Variants in AP3D1 observed in about 807,000 individuals in gnomAD.
The protein encoded by AP3D1 is AP-3 complex subunit delta-1.
In AP3D1, 51 loss-of-function variants were observed where a neutral mutation model predicts 147.6. The observed-to-expected ratio is 0.35, with a 90% CI of 0.28 to 0.44. The LOEUF (loss-of-function observed/expected upper bound fraction) is 0.44. AP3D1 is among the 20% of genes least tolerant of loss of function. The pLI, the probability that AP3D1 is intolerant of heterozygous loss-of-function variation, is 1.00. For synonymous variants in AP3D1, 760 were observed against 663.0 expected (o/e 1.15, Z -2.25); for missense variants, 1,421 against 1,624.2 (o/e 0.87, Z 2.15).
intron 24 of AP3D1, 28 bp from the exon 25 acceptor site, chr19:2,111,856 T>C (rs1376149119): frequency 1.2e-6 from 2 of 1,611,960 alleles, no homozygotes; most frequent in African/African-American, 1.3e-5. Flanking sequence ...TCGGGTTCAG[T>C]GCCCAGGCTG....
intron 1 of AP3D1, among the ~76,000 whole-genome samples, chr19:2,163,684 C>T (rs1302244068): frequency 3.3e-5 from 5 of 152,052 alleles, no homozygotes; most frequent in Non-Finnish European, 7.4e-5. Flanking sequence ...GACGGGCCCG[C>T]CCACAGGGTC....
At chr19:2,144,196 A>G (rs1381264262) in intron 1 of AP3D1, among the ~76,000 whole-genome samples, 1 of 152,134 alleles carries the variant, frequency 6.6e-6, no homozygotes, top group Non-Finnish European at 1.5e-5. Flanking sequence ...CACAATCACC[A>G]TCACTTCGAA....
At chr19:2,111,427 A>G in intron 25 of AP3D1, 95 bp from the exon 26 acceptor site, 1 of 1,482,972 alleles carries the variant, frequency 6.7e-7, no homozygotes, top group Non-Finnish European at 9.3e-7. Context: ...GAATGCCACG[A>G]CTCCAAGAAT....
At chr19:2,132,156 A>C (rs2018968247) in intron 5 of AP3D1, among the ~76,000 whole-genome samples, 1 of 152,148 alleles carries the variant, frequency 6.6e-6, no homozygotes. Context: ...GACCACACAG[A>C]AGCCCACTGG....
At position 2,139,157 on chromosome 19, in the gene AP3D1, T is replaced by C. The variant is rs552314968; in HGVS notation, c.97-443A>G. ...CTATGAAATGTCCAGATCAGGCCAA[T>C]CCAGAGACAGGAAGGGGATTCGTGG... On this transcript the variant is annotated intron_variant, in intron 1 of 31. Coordinates refer to ENST00000643116, the MANE Select transcript of AP3D1 (RefSeq NM_001261826.3). Among the ~76,000 whole-genome samples, 22 of 145,868 alleles carry C rather than the reference T, an allele frequency of 1.5e-4. No homozygotes were observed. The South Asian group carries it at 1.6e-3, about 11-fold the overall frequency.
chr19:2,121,152 G>A lies in AP3D1; in HGVS notation c.1250+11C>T. ...GGAACCCCCGGCCACACCCCTGGGA[G>A]CGGGACGCACCACTCGAAGTTGGTG... On this transcript the variant is annotated intron_variant, in intron 13 of 31. Coordinates refer to ENST00000643116, the MANE Select transcript of AP3D1 (RefSeq NM_001261826.3). 6.2e-7 allele frequency: 1 copy of A among 1,614,168 alleles called. No homozygotes were observed. The highest frequency in any genetic ancestry group is 8.5e-7 in the Non-Finnish European group (1 of 1,179,992).
intron 1 of AP3D1, among the ~76,000 whole-genome samples, chr19:2,157,206 G>C (rs558390482): frequency 2.0e-5 from 3 of 151,496 alleles, no homozygotes; most frequent in Non-Finnish European, 4.4e-5. Context: ...ACTTTGGGAG[G>C]CCGAGGCGGG....
chr19:2,132,389 C>T, intron 5 of AP3D1, 82 bp downstream of exon 5: 16 of 1,336,358 alleles, frequency 1.2e-5, no homozygotes, highest in Non-Finnish European at 1.7e-5. Context: ...TTCCGCATAG[C>T]CAAGCTTCCC....
intron 7 of AP3D1, 68 bp from the exon 8 acceptor site, chr19:2,129,231 C>A (rs915640249): frequency 1.2e-5 from 20 of 1,609,484 alleles, no homozygotes; most frequent in East Asian, 2.2e-5. Flanking sequence ...ACAGGGGGGG[C>A]CTCGGTCACC....
intron 4 of AP3D1, among the ~76,000 whole-genome samples, chr19:2,136,166 C>T (rs1277249107): frequency 6.6e-6 from 1 of 152,238 alleles, no homozygotes; most frequent in Non-Finnish European, 1.5e-5. Context: ...AGGCGGGACG[C>T]CCAGCTCTAT....
Position 2,149,543 on chromosome 19 carries a change from C to CAA in AP3D1, c.96+1694_96+1695dup, listed in dbSNP as rs34338190. ...GGGCAACAAGAGTGAAACTCCGTCT[C>CAA]AAAAAAAAAAAAAAAAAGTTTCCAC... On this transcript the variant is annotated intron_variant, in intron 1 of 31. Transcript: ENST00000643116. Among the ~76,000 whole-genome samples the CAA allele has an allele frequency of 4.4e-3, 505 of 114,958 alleles. 2 individuals are homozygous for CAA. Among genetic ancestry groups the CAA allele is most frequent in the African/African-American group, 0.014 (389 of 28,558 alleles). 75.4% of individuals were successfully genotyped at this position (114,958 alleles called of 152,430 possible). A position where few individuals can be genotyped will look rare whatever the true frequency, so the allele number is the denominator to read the frequency against.
At chr19:2,158,396 C>T (rs545108491) in intron 1 of AP3D1, among the ~76,000 whole-genome samples, 1 of 148,188 alleles carries the variant, frequency 6.7e-6, no homozygotes, top group Non-Finnish European at 1.5e-5. Context: ...TTGCTCTGTT[C>T]CCTGGGTTGT....
chr19:2,132,756 G>A (rs1398037529), intron 4 of AP3D1, among the ~76,000 whole-genome samples, 178 bp from the exon 5 acceptor site: 3 of 152,114 alleles, frequency 2.0e-5, no homozygotes, highest in Admixed American at 6.5e-5. Flanking sequence ...AGCTGAACTC[G>A]GACAAGGAGG....
rs543722166 is a variant in AP3D1, at chr19:2,115,286, G to A, written c.2282C>T (p.Pro761Leu). 3.7e-6 allele frequency: 6 copies of A among 1,613,422 alleles called. No homozygotes were observed. In the Admixed American group the frequency reaches 5.0e-5, roughly 13 times the overall value. Residue 761 changes from proline (P) to leucine (L), a missense_variant, in exon 20 of 32, where the codon CCC (proline) becomes CTC (leucine). Pro to Leu is a moderately conservative substitution (Grantham distance 98, BLOSUM62 -3). Coordinates refer to ENST00000643116, the MANE Select transcript of AP3D1 (RefSeq NM_001261826.3). ...GGCGATGTCCTCGTCGCTCTCCGTGGGCAGCGAGCTGTGGCGGCGCTTGCC... is the reference window on the plus strand; with the variant it reads ...GGCGATGTCCTCGTCGCTCTCCGTGAGCAGCGAGCTGTGGCGGCGCTTGCC... The part of the protein sequence containing the change: ...KKGKRRHSSL[P>L]TESDEDIAPA...
At chr19:2,128,917 A>G (rs183161708) in intron 8 of AP3D1, among the ~76,000 whole-genome samples, 173 bp downstream of exon 8, 1 of 158 alleles carries the variant, frequency 6.3e-3, no homozygotes, top group Non-Finnish European at 0.017. Context: ...CGCCGCTCCA[A>G]CACTGCACCC....
chr19:2,117,292 T>C lies in AP3D1; in HGVS notation c.1789A>G (p.Ser597Gly). 6.2e-7 allele frequency: 1 copy of C among 1,612,882 alleles called. No individual in the cohort carries two copies. The highest frequency in any genetic ancestry group is 2.2e-5 in the East Asian group (1 of 44,852). ...AKDVPVAEEV[S>G]ALFAGELNPV... ...TTCAGCTCCCCAGCAAAGAGAGCGC[T>C]GACCTCCTCTGCCACAGGCACGTCC... The change falls in exon 16 of 32, where the codon AGC (serine) becomes GGC (glycine). Residue 597 changes from serine (S) to glycine (G), a missense_variant. Coordinates refer to ENST00000643116, the MANE Select transcript of AP3D1 (RefSeq NM_001261826.3).
intron 24 of AP3D1, 177 bp downstream of exon 24, chr19:2,112,683 A>T (rs1174215282): frequency 5.3e-6 from 3 of 561,588 alleles, no homozygotes; most frequent in Non-Finnish European, 9.4e-6. Flanking sequence ...TGTGAATAAG[A>T]AGGTTATTAA....
rs753610242 is a variant in AP3D1 at position 2,110,763 on chromosome 19, C to T, written c.3119G>A (p.Arg1040Gln). ...VLDSLNARMARPQGSSVHDGV... is the reference protein window; with the variant it reads ...VLDSLNARMAQPQGSSVHDGV... ...ATCGTGGACGGAGGAGCCCTGCGGC[C>T]GGGCCATCCTGGCATTGAGTGAGTC... The change falls in exon 27 of 32, where the codon CGG becomes CAG. Residue 1040 changes from arginine (R) to glutamine (Q), a missense_variant. Around this residue, in one of 6 missense-constraint regions of AP3D1, gnomAD observed 791 missense variants for 761.4 expected, o/e 1.04. Transcript: ENST00000643116. 6.8e-6 allele frequency: 11 copies of T among 1,612,116 alleles called. No homozygotes were observed. Among genetic ancestry groups the T allele is most frequent in the East Asian group, 2.2e-5 (1 of 44,858 alleles).
At chr19:2,123,686 C>G in intron 10 of AP3D1, 144 bp downstream of exon 10, 2 of 995,274 alleles carry the variant, frequency 2.0e-6, no homozygotes, top group Non-Finnish European at 3.0e-6. Context: ...GTAGTGCACA[C>G]AGGACGCGGC....
Sources: gnomAD v4.1 joint callset for allele counts (sites outside exome capture counted in the v4.1 genomes callset) on GRCh38, gnomAD v4.1.1 for gene constraint, gnomAD v4.1.1 regional missense constraint, MANE v1.5 for transcripts, NCBI Gene and HGNC (gene_info 2026-07-23, HGNC 2026-07-21) for gene names.